The following TECTA variants were observed in gnomAD, a reference collection of about 807,000 sequenced individuals.
TECTA encodes alpha-tectorin.
In TECTA, 128 loss-of-function variants were observed where a neutral mutation model predicts 216.8. That is an observed-to-expected ratio of 0.59 (90% CI 0.51 to 0.68). The LOEUF is 0.68. Among genes scored for constraint, TECTA ranks in the 30% least tolerant of loss-of-function variants. The probability of loss-of-function intolerance (pLI) is 0.00; values close to 1 mark genes in which losing one functional copy is unlikely to be tolerated. For missense variants in TECTA, 2,551 were observed against 2,786.2 expected, an observed-to-expected ratio of 0.92 and a Z score of 1.90; for synonymous variants, 1,089 against 1,117.1, an observed-to-expected ratio of 0.97 and a Z score of 0.50.
chr11:121,160,115 C>G lies in TECTA; in HGVS notation c.4690-20C>G. ...CACCTACTCTAAGCGTAATTATTTT[C>G]TTTTTTCCTCCTCCAATAGGTGAAT... is the stretch of plus-strand genomic sequence containing the variant. On this transcript the variant is annotated intron_variant, in intron 14 of 23. Transcript: ENST00000392793. The G allele has an allele frequency of 6.2e-7, 1 of 1,614,032 alleles. No homozygotes were observed. The highest frequency in any genetic ancestry group is 8.5e-7 in the Non-Finnish European group (1 of 1,179,980).
chr11:121,179,756 T>C (rs997041569), intron 20 of TECTA, among the ~76,000 whole-genome samples: 1 of 152,304 alleles, frequency 6.6e-6, no homozygotes, highest in East Asian at 1.9e-4. Context: ...AATTTGTCCT[T>C]TCTTCATTAT....
chr11:121,112,208 A>G (rs1370794653), intron 4 of TECTA, among the ~76,000 whole-genome samples: 1 of 152,228 alleles, frequency 6.6e-6, no homozygotes, highest in African/African-American at 2.4e-5. Context: ...TATTTCTGAA[A>G]ACCATTTACA....
At chr11:121,121,635 G>T (rs748426199) in intron 7 of TECTA, among the ~76,000 whole-genome samples, 7 of 152,182 alleles carry the variant, frequency 4.6e-5, no homozygotes, top group African/African-American at 1.2e-4. Flanking sequence ...AGTCACCCAG[G>T]TGTCAGGTCA....
At chr11:121,161,637 C>T (rs907199614) in intron 15 of TECTA, among the ~76,000 whole-genome samples, 6 of 147,526 alleles carry the variant, frequency 4.1e-5, no homozygotes, top group Non-Finnish European at 3.0e-5. Flanking sequence ...GCTTTTGGCC[C>T]CTAATGGCTA....
In TECTA at chr11:121,127,191, A is replaced by G. The variant is rs552243361; in HGVS notation, c.1775-561A>G. ...CACACAAATTCTTTGAATTCTTTGG[A>G]GGTAGCCAGGGCGCTTTCTTATTTT... On this transcript the variant is annotated intron_variant, in intron 8 of 23. Transcript: ENST00000392793. This position sits in a 1 kb window ranked among gnomAD's most constrained non-coding sequence, Gnocchi z 5.0. Among the ~76,000 whole-genome samples the G allele has an allele frequency of 2.2e-4, 33 of 152,322 alleles. No individual in the cohort carries two copies. Among genetic ancestry groups the G allele is most frequent in the African/African-American group, 7.5e-4 (31 of 41,570 alleles).
chr11:121,182,454 C>T (rs1267912799), intron 20 of TECTA, among the ~76,000 whole-genome samples: 6 of 152,230 alleles, frequency 3.9e-5, no homozygotes, highest in Admixed American at 2.6e-4. Flanking sequence ...CAAATGTAGT[C>T]GTTGGCAGTG....
Position 121,105,763 on chromosome 11 carries a change from A to G in TECTA, c.65-68A>G. On this transcript the variant is annotated intron_variant, in intron 2 of 23. Coordinates refer to ENST00000392793, the MANE Select transcript of TECTA (RefSeq NM_005422.4). The surrounding 1 kb of genome is among the most constrained non-coding windows in gnomAD (Gnocchi z 5.3). ...CTGAAAGAAGCTGGCTTCAGTAGGT[A>G]GGAGAGATGTAGATTGCCAAACGGC... 1.2e-6 allele frequency: 2 copies of G among 1,604,236 alleles called. No homozygotes were observed. Among genetic ancestry groups the G allele is most frequent in the East Asian group, 2.2e-5 (1 of 44,724 alleles).
chr11:121,123,155 G>A (rs916876727), intron 7 of TECTA, among the ~76,000 whole-genome samples: 8 of 152,140 alleles, frequency 5.3e-5, no homozygotes, highest in African/African-American at 1.9e-4. Context: ...AGGACACCCT[G>A]GAAAGTTTAT....
Position 121,187,869 on chromosome 11 carries a change from G to A in TECTA, c.6037G>A (p.Glu2013Lys). The change falls in exon 21 of 24, where the codon GAG (glutamate) becomes AAG (lysine). Residue 2013 changes from glutamate to lysine, a missense_variant. Glu to Lys is a moderately conservative substitution (Grantham distance 56, BLOSUM62 1). Coordinates refer to ENST00000392793, the MANE Select transcript of TECTA (RefSeq NM_005422.4). ...CAAAGATAACACCATTGGCATCGAG[G>A]AGAATGCAGTCTCCCTGACCTGTCG... ...NLKDNTIGIE[E>K]NAVSLTCRFH... is the part of the protein sequence containing the mutation. 1 of 1,614,232 alleles carries A rather than the reference G, an allele frequency of 6.2e-7. No individual in the cohort carries two copies.
chr11:121,116,639 A>G (rs183594277), intron 6 of TECTA, among the ~76,000 whole-genome samples: 1 of 152,324 alleles, frequency 6.6e-6, no homozygotes, highest in East Asian at 1.9e-4. Context: ...ATATCAATCT[A>G]ATGAGACTGG....
intron 12 of TECTA, 141 bp downstream of exon 12, chr11:121,146,257 C>G (rs760157087): frequency 9.1e-6 from 9 of 984,764 alleles, no homozygotes; most frequent in Non-Finnish European, 1.4e-5. Context: ...AGTTTGTTAT[C>G]TGAATGAAGC....
intron 4 of TECTA, among the ~76,000 whole-genome samples, chr11:121,111,092 G>A (rs552669230): frequency 2.0e-5 from 3 of 152,258 alleles, no homozygotes; most frequent in Admixed American, 6.5e-5. Flanking sequence ...CTCATGCGAC[G>A]CCAACAGAAG....
chr11:121,134,325 C>CCATACACACACACACA (rs1555124741), intron 10 of TECTA, among the ~76,000 whole-genome samples: 1 of 146,864 alleles, frequency 6.8e-6, no homozygotes, highest in African/African-American at 2.6e-5. Context: ...AAAACCAACA[C>CCATACACACACACACA]CACACACACA....
intron 7 of TECTA, 135 bp from the exon 8 acceptor site, chr11:121,125,167 C>T: frequency 1.1e-6 from 1 of 904,744 alleles, no homozygotes; most frequent in Non-Finnish European, 1.8e-6. Flanking sequence ...GAGGGAAGCC[C>T]ACTGGAGCCT....
intron 23 of TECTA, 49 bp from the exon 24 acceptor site, chr11:121,190,657 C>T: frequency 7.3e-7 from 1 of 1,372,672 alleles, no homozygotes; most frequent in Non-Finnish European, 1.0e-6. Context: ...CCCTATCAAA[C>T]AGGTATTTTT....
intron 14 of TECTA, among the ~76,000 whole-genome samples, chr11:121,159,020 G>A (rs1946972597): frequency 6.6e-6 from 1 of 152,180 alleles, no homozygotes. Context: ...CTGGCACTGT[G>A]AGCACAGAGA....
At chr11:121,168,263 A>G (rs1456861853) in intron 19 of TECTA, 46 bp downstream of exon 19, 4 of 1,612,060 alleles carry the variant, frequency 2.5e-6, no homozygotes, top group Non-Finnish European at 3.4e-6. Context: ...CTATTCCTTG[A>G]CAGTTAAGGT....
chr11:121,110,418 G>A (rs1409948064), intron 4 of TECTA: 1 of 152,208 alleles, frequency 6.6e-6, no homozygotes, highest in Admixed American at 6.5e-5. Context: ...GAGTTAGAGA[G>A]AGGTGAAAAA....
chr11:121,183,725 CA>C (rs565698533), intron 20 of TECTA, among the ~76,000 whole-genome samples: 3 of 151,700 alleles, frequency 2.0e-5, no homozygotes, highest in Admixed American at 6.6e-5. Context: ...GACTCCATCT[CA>C]AAAAAAATAA....
Sources: gnomAD v4.1 joint callset for allele counts (sites outside exome capture counted in the v4.1 genomes callset) on GRCh38, gnomAD v4.1.1 for gene constraint, Gnocchi (gnomAD v3.1) non-coding constraint, MANE v1.5 for transcripts, NCBI Gene and HGNC (gene_info 2026-07-23, HGNC 2026-07-21) for gene names.